The following CFI variants were observed in gnomAD, a reference collection of about 807,000 sequenced individuals.
CFI encodes the protein complement factor I.
CFI carries 66 observed loss-of-function variants against 78.8 expected under a neutral mutation model. That is an observed-to-expected ratio of 0.84 (90% confidence interval 0.69 to 1.03). CFI has a LOEUF of 1.03. Ranked by LOEUF, CFI falls within the 50% of genes least tolerant of loss-of-function variation. The probability of loss-of-function intolerance (pLI) is 0.00; values close to 1 mark genes in which losing one functional copy is unlikely to be tolerated. For synonymous variants in CFI, 250 were observed against 232.6 expected, an observed-to-expected ratio of 1.07 and a Z score of -0.68; for missense variants, 706 against 704.5, an observed-to-expected ratio of 1.00 and a Z score of -0.02.
At chr4:109,741,133 A>G (rs537307778) in intron 12 of CFI, 23 bp from the exon 13 acceptor site, 1 of 1,613,578 alleles carries the variant, frequency 6.2e-7, no homozygotes, top group South Asian at 1.1e-5. Flanking sequence ...TGTGAAAGAG[A>G]AAATCACACA....
chr4:109,798,520 T>TTA (rs1553919320), intron 1 of CFI, among the ~76,000 whole-genome samples: 34,937 of 150,926 alleles, frequency 0.23, 4,742 homozygotes, highest in Admixed American at 0.35. Context: ...TTTTTTTTTT[T>TTA]AAAAAGACCA....
intron 1 of CFI, among the ~76,000 whole-genome samples, chr4:109,789,186 G>A (rs182040899): frequency 6.6e-6 from 1 of 151,940 alleles, no homozygotes; most frequent in African/African-American, 2.4e-5. Flanking sequence ...AAAGAATAGA[G>A]TATAAATGAA....
At chr4:109,792,592 C>G (rs191389867) in intron 1 of CFI, among the ~76,000 whole-genome samples, 94 of 152,110 alleles carry the variant, frequency 6.2e-4, no homozygotes, top group African/African-American at 2.0e-3. Context: ...CCCACCCCCC[C>G]CAAAACAAGA....
At chr4:109,751,936 C>A (rs956805875) in intron 8 of CFI, among the ~76,000 whole-genome samples, 1 of 152,128 alleles carries the variant, frequency 6.6e-6, no homozygotes, top group African/African-American at 2.4e-5. Context: ...CAGAATTTAA[C>A]GTAAGTCTGT....
the CFI span, among the ~76,000 whole-genome samples, chr4:109,732,365 C>CT: frequency 6.6e-6 from 1 of 152,194 alleles, no homozygotes; most frequent in African/African-American, 2.4e-5. Context: ...AAACAAGACT[C>CT]TAAGTTTTAT....
intron 11 of CFI, among the ~76,000 whole-genome samples, chr4:109,745,749 C>T (rs927865531): frequency 1.3e-5 from 2 of 152,076 alleles, no homozygotes; most frequent in Non-Finnish European, 2.9e-5. Context: ...AAGGCTATCC[C>T]TTTGTAAACC....
chr4:109,733,500 T>C, the CFI span, among the ~76,000 whole-genome samples: 45 of 152,286 alleles, frequency 3.0e-4, no homozygotes, highest in South Asian at 6.2e-4. Context: ...AAGCTGAAGA[T>C]AGGAAGTCAG....
downstream of CFI, among the ~76,000 whole-genome samples, chr4:109,737,658 G>A (rs1441108559): frequency 6.6e-6 from 1 of 152,200 alleles, no homozygotes; most frequent in Non-Finnish European, 1.5e-5. Flanking sequence ...CGTGGAGACT[G>A]GGACCCATGC....
In CFI at chr4:109,761,639, G is replaced by A; in HGVS notation, c.536C>T (p.Thr179Ile). 6.2e-7 allele frequency: 1 copy of A among 1,613,708 alleles called. No individual in the cohort carries two copies. The highest frequency in any genetic ancestry group is 8.5e-7 in the Non-Finnish European group (1 of 1,179,656). Reference protein sequence around the residue: ...FKLSDLSINSTECLHVHCRGL... With the variant: ...FKLSDLSINSIECLHVHCRGL... ...TCGGCAATGCACATGTAGACATTCA[G>A]TGGAATTTATAGAGAGATCAGACAA... The change falls in exon 4 of 13, where the codon ACT becomes ATT. Residue 179 changes from threonine to isoleucine, a missense_variant. Coordinates refer to ENST00000394634, the MANE Select transcript of CFI (RefSeq NM_000204.5).
the CFI span, among the ~76,000 whole-genome samples, chr4:109,735,239 G>A: frequency 6.4e-4 from 97 of 151,998 alleles, no homozygotes; most frequent in African/African-American, 2.2e-3. Flanking sequence ...ACAGTCATGA[G>A]CCACCGCACC....
intron 4 of CFI, 79 bp from the exon 5 acceptor site, chr4:109,760,715 G>A: frequency 1.2e-6 from 1 of 842,628 alleles, no homozygotes; most frequent in Non-Finnish European, 2.1e-6. Context: ...TTGGGATAAT[G>A]GAGTCATTAA....
chr4:109,762,351 T>A (rs374810403), intron 3 of CFI: 2 of 152,470 alleles, frequency 1.3e-5, no homozygotes, highest in Non-Finnish European at 2.9e-5. Context: ...GTAAGCTACA[T>A]CTTCACTTCA....
intron 2 of CFI, 145 bp from the exon 3 acceptor site, chr4:109,764,835 T>A (rs1335531573): frequency 2.7e-6 from 2 of 750,232 alleles, no homozygotes; most frequent in Non-Finnish European, 4.4e-6. Context: ...TAAGCAATCA[T>A]TTTACGAGTA....
intron 1 of CFI, among the ~76,000 whole-genome samples, chr4:109,776,641 G>A (rs923934642): frequency 2.6e-5 from 4 of 152,248 alleles, no homozygotes; most frequent in Non-Finnish European, 4.4e-5. Flanking sequence ...GATACTCCTC[G>A]AGAAGAGCAA....
At chr4:109,742,732 A>G (rs1195968317) in intron 11 of CFI, 137 bp from the exon 12 acceptor site, 3 of 643,848 alleles carry the variant, frequency 4.7e-6, no homozygotes, top group Non-Finnish European at 8.2e-6. Context: ...ACTCTTCCTT[A>G]GCGTGTTTAA....
rs767216603 is a variant in CFI at position 109,761,524 on chromosome 4, C to G, written c.651G>C (p.Gln217His). The change falls in exon 4 of 13, where the codon CAG (glutamine) becomes CAC (histidine). Residue 217 changes from glutamine to histidine, a missense_variant. Gln to His is a conservative substitution (Grantham distance 24). Coordinates refer to ENST00000394634, the MANE Select transcript of CFI (RefSeq NM_000204.5). ...GGCAAATACTCCACCAACCTGCTTT[C>G]TGTGTATAACAAACCACATCAGCGA... Reference protein sequence around the residue: ...QDFADVVCYTQKADSPMDDFF... With the variant: ...QDFADVVCYTHKADSPMDDFF... The G allele has an allele frequency of 1.2e-5, 20 of 1,613,990 alleles. No homozygotes were observed. The highest frequency in any genetic ancestry group is 1.7e-5 in the Admixed American group (1 of 60,002).
intron 1 of CFI, among the ~76,000 whole-genome samples, chr4:109,773,338 C>A (rs1466169032): frequency 6.6e-6 from 1 of 151,990 alleles, no homozygotes; most frequent in Non-Finnish European, 1.5e-5. Flanking sequence ...CCATCCTGGC[C>A]AACATGGTCT....
chr4:109,790,344 G>T (rs528478498), intron 1 of CFI, among the ~76,000 whole-genome samples: 1 of 151,878 alleles, frequency 6.6e-6, no homozygotes, highest in South Asian at 2.1e-4. Context: ...CTAGCTTTGG[G>T]TTTAGTTTGC....
intron 1 of CFI, among the ~76,000 whole-genome samples, chr4:109,774,587 T>C (rs566828634): frequency 6.6e-6 from 1 of 152,156 alleles, no homozygotes; most frequent in Non-Finnish European, 1.5e-5. Flanking sequence ...GGGTGACAGA[T>C]CTTGTAGGAA....
Sources: gnomAD v4.1 joint callset for allele counts (sites outside exome capture counted in the v4.1 genomes callset) on GRCh38, gnomAD v4.1.1 for gene constraint, MANE v1.5 for transcripts, NCBI Gene and HGNC (gene_info 2026-07-23, HGNC 2026-07-21) for gene names.